Variants in PAXIP1 observed in about 807,000 individuals in gnomAD.
PAXIP1 encodes PAX-interacting protein 1.
In PAXIP1, 19 loss-of-function variants were observed where a neutral mutation model predicts 140.6. The observed-to-expected ratio is 0.14, with a 90% confidence interval of 0.09 to 0.20. PAXIP1 has a LOEUF of 0.20. PAXIP1 is among the 10% of genes least tolerant of loss of function. The pLI, the probability that PAXIP1 is intolerant of heterozygous loss-of-function variation, is 1.00. For synonymous variants in PAXIP1, 442 were observed against 444.6 expected (o/e 0.99, Z 0.07); for missense variants, 920 against 1,208.6 (o/e 0.76, Z 3.54).
intron 4 of PAXIP1, among the ~76,000 whole-genome samples, chr7:154,990,612 T>C (rs1810285968): frequency 6.6e-6 from 1 of 152,230 alleles, no homozygotes; most frequent in South Asian, 2.1e-4. Flanking sequence ...AATTCCTCTT[T>C]ATAGATTCTA....
At chr7:154,987,187 T>C (rs1486781632) in intron 4 of PAXIP1, among the ~76,000 whole-genome samples, 2 of 152,198 alleles carry the variant, frequency 1.3e-5, no homozygotes, top group African/African-American at 4.8e-5. Flanking sequence ...CTTAGACCCC[T>C]TAGCCTGTGT....
In PAXIP1 at chr7:154,973,153, C is replaced by G. The variant is rs546974906; in HGVS notation, c.1074+2543G>C. 7.9e-5 allele frequency among the ~76,000 whole-genome samples: 12 copies of G among 152,208 alleles called. No homozygotes were observed. The highest frequency in any genetic ancestry group is 1.3e-4 in the Non-Finnish European group (9 of 68,034). On this transcript the variant is annotated intron_variant, in intron 6 of 20. Coordinates refer to ENST00000404141, the MANE Select transcript of PAXIP1 (RefSeq NM_007349.4). This position sits in a 1 kb window ranked among gnomAD's most constrained non-coding sequence, Gnocchi z 4.0. ...GGGCACCCACCTGGACAATCCCTGGCCTTGCAGCTCTTGGACCTCCTCATC... is the reference window on the plus strand; with the variant it reads ...GGGCACCCACCTGGACAATCCCTGGGCTTGCAGCTCTTGGACCTCCTCATC...
At position 154,998,860 on chromosome 7, in the gene PAXIP1, T is replaced by A. The variant is rs528527098; in HGVS notation, c.82-76A>T. On this transcript the variant is annotated intron_variant, in intron 1 of 20. Transcript: ENST00000404141. ...ACTCTTGAATTACAGAAATAATTAT[T>A]GGGCATAATAGTACTTTTTAATAAA... 225 of 1,277,538 alleles carry A rather than the reference T, an allele frequency of 1.8e-4. 1 individual carries two copies. In the African/African-American group the frequency reaches 3.0e-3, roughly 17 times the overall value. The allele number at this position is 1,277,538 out of a possible 1,614,324, so 79.1% of individuals were successfully genotyped here.
rs1051799808 is a variant in PAXIP1, at chr7:154,998,791, A to G, written c.82-7T>C. On this transcript the variant is annotated splice_region_variant and splice_polypyrimidine_tract_variant and intron_variant, in intron 1 of 20. Coordinates refer to ENST00000404141, the MANE Select transcript of PAXIP1 (RefSeq NM_007349.4). ...CCTTGAGAAGCTGAATAACCTAAAA[A>G]ACAAGAAAATCCACACAAATTAAAA... is the stretch of plus-strand genomic sequence containing the variant. 20 of 1,606,834 alleles carry G rather than the reference A, an allele frequency of 1.2e-5. No homozygotes were observed. In the African/African-American group the frequency reaches 2.7e-4, roughly 21 times the overall value.
intron 6 of PAXIP1, among the ~76,000 whole-genome samples, chr7:154,972,814 C>T (rs556835628): frequency 6.6e-6 from 1 of 152,354 alleles, no homozygotes; most frequent in South Asian, 2.1e-4. Flanking sequence ...TCAATTCCTC[C>T]ACCTCAGCAG....
intron 5 of PAXIP1, among the ~76,000 whole-genome samples, chr7:154,978,617 A>G (rs557491312): frequency 2.6e-5 from 4 of 152,364 alleles, no homozygotes; most frequent in African/African-American, 9.6e-5. Context: ...TTATTTTAGG[A>G]AAATATGAAG....
chr7:154,998,516 A>T, intron 2 of PAXIP1, 134 bp downstream of exon 2: 1 of 505,760 alleles, frequency 2.0e-6, no homozygotes, highest in Non-Finnish European at 3.1e-6. Flanking sequence ...TCAAAAAAAT[A>T]AATAAATAAA....
In PAXIP1 at chr7:154,956,441, T is replaced by C. The variant is rs1585043230; in HGVS notation, c.2549+783A>G. The C allele has an allele frequency of 6.6e-6, 1 of 152,198 alleles. No individual in the cohort carries two copies. The highest frequency in any genetic ancestry group is 1.9e-4 in the East Asian group (1 of 5,178). 9.4% of individuals were successfully genotyped at this position (152,198 alleles called of 1,614,324 possible). A position where few individuals can be genotyped will look rare whatever the true frequency, so the allele number is the denominator to read the frequency against. On this transcript the variant is annotated intron_variant, in intron 14 of 20. Coordinates refer to ENST00000404141, the MANE Select transcript of PAXIP1 (RefSeq NM_007349.4). This position sits in a 1 kb window ranked among gnomAD's most constrained non-coding sequence, Gnocchi z 4.2. ...AACTGCAAAAAACAATTCAAGCAGT[T>C]ATATTTCACCATGTACAGTCTGGAA...
At chr7:154,988,450 T>C (rs550467599) in intron 4 of PAXIP1, among the ~76,000 whole-genome samples, 99 of 152,340 alleles carry the variant, frequency 6.5e-4, no homozygotes, top group African/African-American at 2.0e-3. Context: ...ATGTATAATA[T>C]AACAATTTGT....
chr7:154,947,842 C>T, intron 17 of PAXIP1, 61 bp downstream of exon 17: 1 of 1,189,350 alleles, frequency 8.4e-7, no homozygotes, highest in Non-Finnish European at 1.3e-6. Flanking sequence ...CTGGTAGTTC[C>T]CTTGAGCAGG....
intron 5 of PAXIP1, 57 bp from the exon 6 acceptor site, chr7:154,976,388 T>C: frequency 6.6e-7 from 1 of 1,513,110 alleles, no homozygotes; most frequent in Non-Finnish European, 8.8e-7. Context: ...TCACATTTCC[T>C]ACAATTACGC....
At chr7:154,979,273 T>A (rs1354085619) in intron 5 of PAXIP1, among the ~76,000 whole-genome samples, 1 of 152,224 alleles carries the variant, frequency 6.6e-6, no homozygotes, top group African/African-American at 2.4e-5. Context: ...AGTTATAAAT[T>A]CTTTCATTCT....
At chr7:154,947,681 T>TA in intron 17 of PAXIP1, 1 of 467,998 alleles carries the variant, frequency 2.1e-6, no homozygotes, top group East Asian at 3.2e-5. Context: ...TACTTATTTT[T>TA]AAACATTATA....
chr7:154,993,796 A>C (rs764142413), intron 2 of PAXIP1, 27 bp from the exon 3 acceptor site: 1 of 1,537,278 alleles, frequency 6.5e-7, no homozygotes, highest in South Asian at 1.2e-5. Context: ...TAAATCAAAA[A>C]GTATTCTCAA....
chr7:154,975,697 T>C lies in PAXIP1; in HGVS notation c.1073A>G (p.His358Arg), dbSNP rs1200676536. The change falls in exon 6 of 21, where the codon CAT (histidine) becomes CGT (arginine). Residue 358 changes from histidine (H) to arginine (R), a missense_variant and splice_region_variant. By Grantham distance (29) the His-to-Arg change is conservative (BLOSUM62 0). Transcript: ENST00000404141. ...TTTTTTTCGGAAAGAGTGACTTACA[T>C]GTGCTACATTTGATGGCCGGTTCAT... ...QQMNRPSNVA[H>R]ILQTLSAPTK... 6 of 1,597,300 alleles carry C rather than the reference T, an allele frequency of 3.8e-6. No homozygotes were observed. Among genetic ancestry groups the C allele is most frequent in the South Asian group, 1.1e-5 (1 of 90,298 alleles).
rs578011548 is a variant in PAXIP1 at position 154,960,190 on chromosome 7, C to T, written c.2435-257G>A. 6.7e-4 allele frequency among the ~76,000 whole-genome samples: 102 copies of T among 152,284 alleles called. 1 individual carries two copies. Among genetic ancestry groups the T allele is most frequent in the Middle Eastern group, 6.8e-3 (2 of 294 alleles). ...CATCGGCAGCAAACAACAAAGCAAA[C>T]GTTGTGTCGAAACCCATGGCATTCA... is the stretch of plus-strand genomic sequence containing the variant. On this transcript the variant is annotated intron_variant, in intron 12 of 20. Transcript: ENST00000404141.
At position 154,981,668 on chromosome 7, in the gene PAXIP1, C is replaced by A. The variant is rs1229396547; in HGVS notation, c.438+1551G>T. 2.0e-5 allele frequency among the ~76,000 whole-genome samples: 3 copies of A among 152,000 alleles called. No homozygotes were observed. In the East Asian group the frequency reaches 5.8e-4, roughly 29 times the overall value. On this transcript the variant is annotated intron_variant, in intron 5 of 20. Transcript: ENST00000404141. The stretch of plus-strand genomic sequence containing the variant: ...ATAGTAGCATATTTGTTGTCTTATT[C>A]ACAAGCATGTTTTAGCCAAAGAAAA...
intron 8 of PAXIP1, among the ~76,000 whole-genome samples, chr7:154,966,983 C>T (rs1193433341): frequency 6.6e-6 from 1 of 152,214 alleles, no homozygotes; most frequent in East Asian, 1.9e-4. Flanking sequence ...CTAATTCTCA[C>T]TCCTACTCAT....
Position 154,969,193 on chromosome 7 carries a change from G to C in PAXIP1, c.1075-67C>G, listed in dbSNP as rs912582984. On this transcript the variant is annotated intron_variant, in intron 6 of 20. Coordinates refer to ENST00000404141, the MANE Select transcript of PAXIP1 (RefSeq NM_007349.4). Reference sequence around the variant, plus strand: ...GAAACAGATGAATGATAATTTCTTAGTCAAGAGAATGGCATATCCTATTTA... The same window carrying C: ...GAAACAGATGAATGATAATTTCTTACTCAAGAGAATGGCATATCCTATTTA... 3 of 1,415,094 alleles carry C rather than the reference G, an allele frequency of 2.1e-6. No individual in the cohort carries two copies. The African/African-American group carries it at 4.3e-5, about 20-fold the overall frequency. 87.7% of individuals were successfully genotyped at this position (1,415,094 alleles called of 1,614,324 possible).
Sources: allele counts gnomAD v4.1 joint callset (sites outside exome capture counted in the v4.1 genomes callset), GRCh38; gene constraint gnomAD v4.1.1; non-coding constraint Gnocchi (gnomAD v3.1); transcripts MANE v1.5; gene names NCBI Gene and HGNC (gene_info 2026-07-23, HGNC 2026-07-21).